ARAP2: variants seen among roughly 807,000 people sequenced by gnomAD.
The protein encoded by ARAP2 is arf-GAP with Rho-GAP domain, ANK repeat and PH domain-containing protein 2.
A neutral mutation model predicts 194.5 loss-of-function variants in ARAP2; 148 were observed. The observed-to-expected ratio is 0.76, with a 90% CI of 0.67 to 0.87. The LOEUF is 0.87. Among genes scored for constraint, ARAP2 ranks in the 40% least tolerant of loss-of-function variants. ARAP2 has a pLI of 0.00. For missense variants in ARAP2, 2,128 were observed against 1,989.7 expected (o/e 1.07, Z -1.32); for synonymous variants, 695 against 683.5 (o/e 1.02, Z -0.26).
At chr4:36,197,502 GT>G (rs1178929470) in intron 6 of ARAP2, among the ~76,000 whole-genome samples, 2 of 152,228 alleles carry the variant, frequency 1.3e-5, no homozygotes, top group African/African-American at 4.8e-5. Flanking sequence ...GATCCTCAGG[GT>G]GTTGCTTTTC....
intron 5 of ARAP2, among the ~76,000 whole-genome samples, chr4:36,042,063 A>G (rs1720960559): frequency 6.6e-6 from 1 of 152,178 alleles, no homozygotes; most frequent in African/African-American, 2.4e-5. Context: ...AGAAAAAATA[A>G]TTATTGGGTA....
intron 9 of ARAP2, among the ~76,000 whole-genome samples, chr4:36,011,501 C>A (rs1560258921): frequency 6.6e-6 from 1 of 152,098 alleles, no homozygotes; most frequent in Non-Finnish European, 1.5e-5. Context: ...TCTTCAGTTT[C>A]CCAGCCTTAT....
chr4:36,091,755 C>T (rs1056312944), intron 28 of ARAP2, 126 bp downstream of exon 28: 1 of 1,067,186 alleles, frequency 9.4e-7, no homozygotes, highest in African/African-American at 1.6e-5. Flanking sequence ...TGAAGCAAAT[C>T]ATCAGCTTAC....
chr4:36,112,638 T>C (rs1316073861), intron 26 of ARAP2, among the ~76,000 whole-genome samples: 1 of 151,736 alleles, frequency 6.6e-6, no homozygotes, highest in Non-Finnish European at 1.5e-5. Flanking sequence ...CCTCACTTAT[T>C]CAATAGATTT....
At chr4:36,102,102 C>T (rs547954077) in intron 27 of ARAP2, among the ~76,000 whole-genome samples, 6 of 152,078 alleles carry the variant, frequency 3.9e-5, no homozygotes, top group African/African-American at 1.4e-4. Context: ...AATTGCATGA[C>T]TTAGTATTCT....
chr4:36,233,352 G>A lies in ARAP2; in HGVS notation c.-159-3707C>T, dbSNP rs550425217. On this transcript the variant is annotated intron_variant, in intron 1 of 32. Coordinates refer to ENST00000303965, the MANE Select transcript of ARAP2 (RefSeq NM_015230.4). Reference sequence around the variant, plus strand: ...TCAGTGACCCTCCAGGTACTGATCTGTGGATCTTCTGTACATCAACAACTG... The same window carrying A: ...TCAGTGACCCTCCAGGTACTGATCTATGGATCTTCTGTACATCAACAACTG... Among the ~76,000 whole-genome samples the A allele has an allele frequency of 2.0e-5, 3 of 152,320 alleles. No homozygotes were observed. In the South Asian group the frequency reaches 6.2e-4, roughly 32 times the overall value.
In ARAP2 at chr4:36,026,473, CATT is replaced by C. The variant is rs541930460; in HGVS notation, n.608-7190_608-7188del. On this transcript the variant is annotated intron_variant and non_coding_transcript_variant, in intron 5 of 12. Transcript: ENST00000503225. ...TAAGGCACAGTGGGTGCTCAATAAACATTGTTGATTGGATGTCATTACATCTGC... is the reference window on the plus strand; with the variant it reads ...TAAGGCACAGTGGGTGCTCAATAAACGTTGATTGGATGTCATTACATCTGC... Among the ~76,000 whole-genome samples, 247 of 152,228 alleles carry C rather than the reference CATT, an allele frequency of 1.6e-3. 1 individual carries two copies. The highest frequency in any genetic ancestry group is 3.1e-3 in the Non-Finnish European group (214 of 68,018).
downstream of ARAP2, among the ~76,000 whole-genome samples, chr4:36,064,582 G>A (rs1488269088): frequency 6.6e-6 from 1 of 152,240 alleles, no homozygotes; most frequent in Non-Finnish European, 1.5e-5. Context: ...TGCAGCTCAG[G>A]TGGGCTGCTC....
chr4:36,213,787 T>C (rs1286761878), intron 3 of ARAP2, among the ~76,000 whole-genome samples: 2 of 152,102 alleles, frequency 1.3e-5, no homozygotes, highest in African/African-American at 4.8e-5. Context: ...CCAGAAGGCA[T>C]TTAATATAAT....
chr4:36,167,244 T>A (rs1394880720), intron 9 of ARAP2, among the ~76,000 whole-genome samples, 197 bp from the exon 10 acceptor site: 1 of 151,958 alleles, frequency 6.6e-6, no homozygotes, highest in East Asian at 1.9e-4. Flanking sequence ...AGCGTATGGG[T>A]TTCTTCCATG....
chr4:36,107,472 T>C (rs985982229), intron 27 of ARAP2, 93 bp downstream of exon 27: 36 of 1,347,826 alleles, frequency 2.7e-5, no homozygotes, highest in Non-Finnish European at 3.3e-5. Flanking sequence ...CTACTCGTTT[T>C]TCACATTTTC....
rs761684862 is a variant in ARAP2 at position 36,158,821 on chromosome 4, T to C, written c.2661A>G (p.Gln887=). 8.1e-6 allele frequency: 13 copies of C among 1,611,654 alleles called. No homozygotes were observed. Among genetic ancestry groups the C allele is most frequent in the Middle Eastern group, 1.6e-4 (1 of 6,074 alleles). ...AGAGGAATGTGGACTGGGAAGACTCTTGACTTAATACACCCTCGGAATGAA... is the reference window on the plus strand; with the variant it reads ...AGAGGAATGTGGACTGGGAAGACTCCTGACTTAATACACCCTCGGAATGAA... The part of the protein sequence containing the change: ...HDIHSEGVLS[Q]ESSQSTFLCD... Residue 887 remains glutamine (Q), a synonymous_variant, in exon 15 of 33, where the codon CAA becomes CAG. Transcript: ENST00000303965.
At chr4:36,158,615 T>C in intron 15 of ARAP2, 115 bp downstream of exon 15, 1 of 865,884 alleles carries the variant, frequency 1.2e-6, no homozygotes, top group Middle Eastern at 3.3e-4. Flanking sequence ...CTCAAAAATA[T>C]CTCTACTTGG....
chr4:36,227,682 C>T (rs578044128), intron 2 of ARAP2, among the ~76,000 whole-genome samples: 5 of 152,160 alleles, frequency 3.3e-5, no homozygotes, highest in South Asian at 2.1e-4. Context: ...CTGTGCAGGA[C>T]GTGTGTAAAG....
At chr4:36,175,215 A>C (rs1361377111) in intron 9 of ARAP2, among the ~76,000 whole-genome samples, 1 of 152,220 alleles carries the variant, frequency 6.6e-6, no homozygotes, top group African/African-American at 2.4e-5. Context: ...TTGAAAGGAT[A>C]CACAAGATTA....
At chr4:36,167,193 T>G (rs779323753) in intron 9 of ARAP2, 146 bp from the exon 10 acceptor site, 8 of 571,984 alleles carry the variant, frequency 1.4e-5, no homozygotes, top group Non-Finnish European at 2.4e-5. Flanking sequence ...CAATACATAA[T>G]AGCACTGGGC....
chr4:36,147,847 T>C, intron 17 of ARAP2, 101 bp from the exon 18 acceptor site: 1 of 1,061,304 alleles, frequency 9.4e-7, no homozygotes, highest in South Asian at 1.8e-5. Flanking sequence ...TCTTAGTTTT[T>C]CAATTTTAAA....
chr4:36,026,297 T>G (rs1331095575), intron 5 of ARAP2, among the ~76,000 whole-genome samples: 3 of 152,226 alleles, frequency 2.0e-5, no homozygotes, highest in Admixed American at 2.0e-4. Context: ...CTGTAGCCTG[T>G]GATTCACATA....
In ARAP2 at chr4:36,151,628, C is replaced by G. The variant is rs185171225; in HGVS notation, c.2753-584G>C. 2.6e-5 allele frequency among the ~76,000 whole-genome samples: 4 copies of G among 152,190 alleles called. No individual in the cohort carries two copies. In the East Asian group the frequency reaches 7.7e-4, roughly 29 times the overall value. On this transcript the variant is annotated intron_variant, in intron 15 of 32. Transcript: ENST00000303965. ...TCTATATATTAGATAATTTCTGAAG[C>G]TGGATTACTGTTCTGTGGTTACTTT...
Sources: gnomAD v4.1 joint callset for allele counts (sites outside exome capture counted in the v4.1 genomes callset) on GRCh38, gnomAD v4.1.1 for gene constraint, MANE v1.5 for transcripts, NCBI Gene and HGNC (gene_info 2026-07-23, HGNC 2026-07-21) for gene names.